GPC5: variants seen among roughly 807,000 people sequenced by gnomAD.
GPC5 encodes the protein glypican-5.
Under a neutral mutation model 53.9 loss-of-function variants are expected in GPC5, and 47 were observed. That is an observed-to-expected ratio of 0.87 (90% CI 0.69 to 1.11). The LOEUF (loss-of-function observed/expected upper bound fraction) is 1.11. GPC5 is among the 50% of genes most tolerant of loss of function. GPC5 has a pLI of 0.00. For synonymous variants in GPC5, 286 were observed against 263.3 expected (o/e 1.09, Z -0.84); for missense variants, 748 against 713.1 (o/e 1.05, Z -0.56).
intron 5 of GPC5, among the ~76,000 whole-genome samples, chr13:91,764,401 A>G (rs988993885): frequency 6.6e-6 from 1 of 152,322 alleles, no homozygotes; most frequent in East Asian, 1.9e-4. Context: ...TGTAATCATT[A>G]CATTCAGAAA....
chr13:91,689,242 A>T (rs2035701568), intron 2 of GPC5, among the ~76,000 whole-genome samples: 2 of 127,296 alleles, frequency 1.6e-5, no homozygotes, highest in South Asian at 5.1e-4. Flanking sequence ...CACATATAAA[A>T]TTATGGTATA....
intron 5 of GPC5, among the ~76,000 whole-genome samples, chr13:91,775,473 A>G (rs1034861966): frequency 6.6e-6 from 1 of 152,106 alleles, no homozygotes; most frequent in African/African-American, 2.4e-5. Flanking sequence ...TCAACAATGC[A>G]ATTTTTTTGT....
intron 6 of GPC5, among the ~76,000 whole-genome samples, chr13:92,011,003 T>C (rs1481759423): frequency 2.6e-5 from 4 of 152,244 alleles, no homozygotes; most frequent in Non-Finnish European, 5.9e-5. Flanking sequence ...CAGAGCTCTT[T>C]ATTATATTTA....
chr13:91,467,912 T>C (rs577657230), intron 2 of GPC5, among the ~76,000 whole-genome samples: 2 of 152,296 alleles, frequency 1.3e-5, no homozygotes, highest in East Asian at 3.9e-4. Flanking sequence ...TGAGATTATC[T>C]AGACAGGTTT....
At chr13:92,291,708 T>C (rs2042997536) in intron 7 of GPC5, among the ~76,000 whole-genome samples, 1 of 152,192 alleles carries the variant, frequency 6.6e-6, no homozygotes, top group Non-Finnish European at 1.5e-5. Flanking sequence ...ATCTTGCTGC[T>C]ACTCCCTCTT....
intron 7 of GPC5, among the ~76,000 whole-genome samples, chr13:92,250,739 A>G (rs1199045979): frequency 2.0e-5 from 3 of 152,090 alleles, no homozygotes; most frequent in Non-Finnish European, 2.9e-5. Flanking sequence ...GCATCTAAAA[A>G]CTAGTTTTGG....
intron 7 of GPC5, among the ~76,000 whole-genome samples, chr13:92,680,294 A>C (rs1227543686): frequency 6.6e-6 from 1 of 152,204 alleles, no homozygotes; most frequent in East Asian, 1.9e-4. Context: ...CAACTCAAAA[A>C]TCATACCTAC....
chr13:92,770,960 AT>A (rs1373448686), intron 7 of GPC5, among the ~76,000 whole-genome samples: 1 of 151,848 alleles, frequency 6.6e-6, no homozygotes, highest in East Asian at 1.9e-4. Flanking sequence ...TGGTAGTTCT[AT>A]TTCCCCCTAC....
At chr13:92,221,703 A>G (rs1156306066) in intron 7 of GPC5, among the ~76,000 whole-genome samples, 1 of 148,750 alleles carries the variant, frequency 6.7e-6, no homozygotes, top group Non-Finnish European at 1.5e-5. Flanking sequence ...GCACGCCAAC[A>G]ATATCCATGT....
chr13:92,289,507 A>T (rs1369359800), intron 7 of GPC5, among the ~76,000 whole-genome samples: 2 of 152,098 alleles, frequency 1.3e-5, no homozygotes, highest in Non-Finnish European at 2.9e-5. Flanking sequence ...CATATACATT[A>T]AGGCCACATG....
At chr13:92,135,424 T>G (rs975155138) in intron 6 of GPC5, among the ~76,000 whole-genome samples, 7 of 152,238 alleles carry the variant, frequency 4.6e-5, no homozygotes, top group African/African-American at 1.2e-4. Context: ...TAGTTTGAAC[T>G]CTCCTGGGAG....
At chr13:92,398,988 A>G (rs1415980560) in intron 7 of GPC5, among the ~76,000 whole-genome samples, 1 of 151,738 alleles carries the variant, frequency 6.6e-6, no homozygotes, top group Non-Finnish European at 1.5e-5. Flanking sequence ...CCCATTCTTT[A>G]CTTCCTTCCC....
rs2037581215 is a variant in GPC5, at chr13:91,769,383, A to ATATAAAACTAAT, written c.1280+12967_1280+12978dup. ...GGTACTACAGCTTAGCCAAGTTGCCATATAAAACTAATTATCACAGGTAGT... is the reference window on the plus strand; with the variant it reads ...GGTACTACAGCTTAGCCAAGTTGCCATATAAAACTAATTATAAAACTAATTATCACAGGTAGT... On this transcript the variant is annotated intron_variant, in intron 5 of 7. Coordinates refer to ENST00000377067, the MANE Select transcript of GPC5 (RefSeq NM_004466.6). Among the ~76,000 whole-genome samples, 7 of 152,320 alleles carry ATATAAAACTAAT rather than the reference A, an allele frequency of 4.6e-5. No homozygotes were observed. In the South Asian group the frequency reaches 1.5e-3, roughly 32 times the overall value.
chr13:91,710,254 T>C (rs2139902760), intron 3 of GPC5, among the ~76,000 whole-genome samples: 1 of 152,348 alleles, frequency 6.6e-6, no homozygotes, highest in East Asian at 1.9e-4. Context: ...TGCATTGAAT[T>C]AGATTTAATT....
chr13:91,419,432 G>C (rs552996123), intron 1 of GPC5, among the ~76,000 whole-genome samples: 58 of 152,132 alleles, frequency 3.8e-4, no homozygotes, highest in Non-Finnish European at 7.8e-4. Context: ...TTTCTGCTAG[G>C]CTGAAAATTT....
intron 7 of GPC5, among the ~76,000 whole-genome samples, chr13:92,263,165 T>A (rs1459220078): frequency 6.6e-6 from 1 of 152,118 alleles, no homozygotes; most frequent in Non-Finnish European, 1.5e-5. Context: ...TTATTATATT[T>A]GTAAATTATT....
chr13:92,523,547 G>A (rs550969810), intron 7 of GPC5, among the ~76,000 whole-genome samples: 5 of 152,036 alleles, frequency 3.3e-5, no homozygotes, highest in Non-Finnish European at 7.4e-5. Context: ...TCAAATATGT[G>A]GAAGCAAACT....
chr13:92,707,723 G>T (rs1887998779), intron 7 of GPC5, among the ~76,000 whole-genome samples: 1 of 151,954 alleles, frequency 6.6e-6, no homozygotes. Context: ...ATCCTTCTCA[G>T]CTTAGGCTAC....
chr13:92,007,633 TAAAACAC>T (rs914629372), intron 6 of GPC5, among the ~76,000 whole-genome samples: 1 of 152,200 alleles, frequency 6.6e-6, no homozygotes, highest in African/African-American at 2.4e-5. Flanking sequence ...TGGTTTATTT[TAAAACAC>T]AATTTGTCAA....
Sources: gnomAD v4.1 joint callset for allele counts (sites outside exome capture counted in the v4.1 genomes callset) on GRCh38, gnomAD v4.1.1 for gene constraint, MANE v1.5 for transcripts, NCBI Gene and HGNC (gene_info 2026-07-23, HGNC 2026-07-21) for gene names.